FCAMR: variants seen among roughly 807,000 people sequenced by gnomAD.
FCAMR encodes high affinity immunoglobulin alpha and immunoglobulin mu Fc receptor.
A neutral mutation model predicts 52.2 loss-of-function variants in FCAMR; 51 were observed. That is an observed-to-expected ratio of 0.98 (90% CI 0.78 to 1.23). FCAMR has a LOEUF of 1.23. FCAMR is among the 50% of genes most tolerant of loss of function. The pLI is 0.00. For synonymous variants in FCAMR, 282 were observed against 262.0 expected (o/e 1.08, Z -0.74); for missense variants, 719 against 712.6 (o/e 1.01, Z -0.10).
intron 7 of FCAMR, chr1:206,959,002 A>AG: frequency 2.0e-6 from 1 of 500,880 alleles, no homozygotes; most frequent in South Asian, 1.5e-5. Context: ...GCTTTGCCAA[A>AG]GGGGGAAAAT....
chr1:206,960,732 C>G lies in FCAMR; in HGVS notation c.1144G>C (p.Val382Leu). The G allele has an allele frequency of 1.3e-6, 2 of 1,552,344 alleles. No individual in the cohort carries two copies. Among genetic ancestry groups the G allele is most frequent in the Non-Finnish European group, 1.7e-6 (2 of 1,147,146 alleles). ...VLGTIGPPAL[V>L]SETLAWEILP... The stretch of plus-strand genomic sequence containing the variant: ...ATTTCCCAGGCCAAAGTTTCTGAGA[C>G]CAGAGCTGGTGGCCCAATGGTTCCT... The change falls in exon 6 of 8, where the codon GTC becomes CTC. Residue 382 changes from valine to leucine, a missense_variant. By Grantham distance (32) the Val-to-Leu change is conservative. Coordinates refer to ENST00000324852, the MANE Select transcript of FCAMR (RefSeq NM_001170631.2).
intron 4 of FCAMR, among the ~76,000 whole-genome samples, chr1:206,964,340 C>T (rs2000058): frequency 0.18 from 27,647 of 151,832 alleles, 2,585 homozygotes; most frequent in East Asian, 0.33. Context: ...GTCTGTTCTG[C>T]CTTTAGGATG....
Position 206,960,465 on chromosome 1 carries a change from C to G in FCAMR, c.1411G>C (p.Val471Leu), listed in dbSNP as rs532030942. Residue 471 changes from valine (V) to leucine (L), a missense_variant, in exon 6 of 8, where the codon GTA (valine) becomes CTA (leucine). Coordinates refer to ENST00000324852, the MANE Select transcript of FCAMR (RefSeq NM_001170631.2). The part of the protein sequence containing the change: ...PQATLSQTPA[V>L]GPWGPPGKES... Reference sequence around the variant, plus strand: ...TTGCCAGGGGGTCCCCAGGGTCCTACTGCCGGGGTCTGGCTCAGTGTTGCT... The same window carrying G: ...TTGCCAGGGGGTCCCCAGGGTCCTAGTGCCGGGGTCTGGCTCAGTGTTGCT... 6.5e-7 allele frequency: 1 copy of G among 1,534,584 alleles called. No homozygotes were observed. Among genetic ancestry groups the G allele is most frequent in the African/African-American group, 1.4e-5 (1 of 72,532 alleles).
chr1:206,958,897 A>C, intron 7 of FCAMR: 1 of 676,122 alleles, frequency 1.5e-6, no homozygotes, highest in Non-Finnish European at 2.8e-6. Context: ...CTGCCAGAAA[A>C]TCTCACCCTT....
At chr1:206,962,591 A>G in intron 4 of FCAMR, 40 bp from the exon 5 acceptor site, 1 of 1,464,992 alleles carries the variant, frequency 6.8e-7, no homozygotes, top group South Asian at 1.4e-5. Flanking sequence ...GGAAGTGGTG[A>G]GCATAGTCAC....
In FCAMR at chr1:206,958,533, T is replaced by A. The variant is rs61729353; in HGVS notation, c.1717A>T (p.Arg573Ter). ...PAGASLTAPE[R>*]NPGP ...TCTGTCCCTCAGGGTCCTGGATTTC[T>A]CTCTGGGGCAGTCAGGCTGGCCCCA... Residue 573 changes from arginine to a stop codon, truncating the protein, a stop_gained, in exon 8 of 8, where the codon AGA becomes TGA. Coordinates refer to ENST00000324852, the MANE Select transcript of FCAMR (RefSeq NM_001170631.2). LOFTEE classifies it high-confidence loss of function. 6.2e-7 allele frequency: 1 copy of A among 1,612,474 alleles called. No individual in the cohort carries two copies. Among genetic ancestry groups the A allele is most frequent in the African/African-American group, 1.3e-5 (1 of 74,946 alleles).
chr1:206,970,078 T>C lies in FCAMR; in HGVS notation c.39+9A>G, dbSNP rs758312330. On this transcript the variant is annotated intron_variant, in intron 1 of 7. Coordinates refer to ENST00000324852, the MANE Select transcript of FCAMR (RefSeq NM_001170631.2). Reference sequence around the variant, plus strand: ...AGATCCCAACCTCCAGGAGAAAGCATCATTTCACCTTTTGTTCTCCAGGCT... The same window carrying C: ...AGATCCCAACCTCCAGGAGAAAGCACCATTTCACCTTTTGTTCTCCAGGCT... 1 of 1,614,056 alleles carries C rather than the reference T, an allele frequency of 6.2e-7. No individual in the cohort carries two copies. The highest frequency in any genetic ancestry group is 8.5e-7 in the Non-Finnish European group (1 of 1,179,968).
chr1:206,969,434 G>A (rs984721101), intron 1 of FCAMR: 3 of 382,692 alleles, frequency 7.8e-6, no homozygotes, highest in African/African-American at 6.3e-5. Context: ...CTTTCTCCAG[G>A]AGACAGGGGG....
At chr1:206,959,858 G>T in intron 6 of FCAMR, 61 bp from the exon 7 acceptor site, 1 of 1,327,704 alleles carries the variant, frequency 7.5e-7, no homozygotes, top group Non-Finnish European at 1.1e-6. Flanking sequence ...GAAGATTAAA[G>T]ACCATTTACC....
In FCAMR at chr1:206,959,717, A is replaced by G; in HGVS notation, c.1535T>C (p.Leu512Pro). The G allele has an allele frequency of 6.2e-7, 1 of 1,614,134 alleles. No homozygotes were observed. The highest frequency in any genetic ancestry group is 1.3e-5 in the African/African-American group (1 of 75,038). The change falls in exon 7 of 8, where the codon CTG (leucine) becomes CCG (proline). Residue 512 changes from leucine to proline, a missense_variant. Coordinates refer to ENST00000324852, the MANE Select transcript of FCAMR (RefSeq NM_001170631.2). Reference protein sequence around the residue: ...TMLALFMLMALVLLQRKLWRR... With the variant: ...TMLALFMLMAPVLLQRKLWRR... The stretch of plus-strand genomic sequence containing the variant: ...CCAGAGCTTCCTTTGCAATAGAACC[A>G]GAGCCATAAGCATAAACAGGGCCAG...
At chr1:206,965,249 G>T (rs1028987599) in intron 4 of FCAMR, among the ~76,000 whole-genome samples, 2 of 152,194 alleles carry the variant, frequency 1.3e-5, no homozygotes, top group African/African-American at 4.8e-5. Flanking sequence ...GAGAGGAGCA[G>T]GGTTCCACTA....
At chr1:206,964,487 C>A (rs1572664804) in intron 4 of FCAMR, among the ~76,000 whole-genome samples, 1 of 151,582 alleles carries the variant, frequency 6.6e-6, no homozygotes, top group East Asian at 1.9e-4. Context: ...GGGGGAGGAT[C>A]AGTCATGAAT....
Position 206,970,295 on chromosome 1 carries a change from G to T in FCAMR, c.-170C>A. On this transcript the variant is annotated 5_prime_UTR_variant, in exon 1 of 8. Transcript: ENST00000324852. Reference sequence around the variant, plus strand: ...AGGTCGGGGTGCAAGGCGTAGCTCTGCCACTCACCTCAAGTCACTTCTCTT... The same window carrying T: ...AGGTCGGGGTGCAAGGCGTAGCTCTTCCACTCACCTCAAGTCACTTCTCTT... 1 of 624,152 alleles carries T rather than the reference G, an allele frequency of 1.6e-6. No individual in the cohort carries two copies. The highest frequency in any genetic ancestry group is 2.8e-6 in the Non-Finnish European group (1 of 357,530). The allele number at this position is 624,152 out of a possible 1,614,324, so 38.7% of individuals were successfully genotyped here.
intron 5 of FCAMR, among the ~76,000 whole-genome samples, chr1:206,961,601 C>T (rs552556338): frequency 1.8e-4 from 27 of 152,244 alleles, no homozygotes; most frequent in Admixed American, 2.0e-4. Context: ...TTGCAGCAGG[C>T]GGCTGGAGAG....
At chr1:206,968,989 T>TC (rs1311823719) in intron 1 of FCAMR, among the ~76,000 whole-genome samples, 1 of 152,160 alleles carries the variant, frequency 6.6e-6, no homozygotes, top group Non-Finnish European at 1.5e-5. Context: ...CTGTAGCAAG[T>TC]CCCCTAGCTT....
chr1:206,962,698 A>G (rs1680560067), intron 4 of FCAMR, 147 bp from the exon 5 acceptor site: 4 of 658,866 alleles, frequency 6.1e-6, no homozygotes, highest in Non-Finnish European at 1.0e-5. Context: ...TAAAAATGGC[A>G]GAACTCAGCC....
intron 4 of FCAMR, among the ~76,000 whole-genome samples, chr1:206,964,613 G>A (rs562622824): frequency 1.1e-4 from 16 of 151,612 alleles, no homozygotes; most frequent in African/African-American, 3.6e-4. Context: ...TGCTGCTCCC[G>A]TTTTGCCTCC....
Position 206,962,500 on chromosome 1 carries a change from G to A in FCAMR, c.365C>T (p.Ala122Val), listed in dbSNP as rs1357377830. The change falls in exon 5 of 8, where the codon GCT becomes GTT. Residue 122 changes from alanine (A) to valine (V), a missense_variant. Coordinates refer to ENST00000324852, the MANE Select transcript of FCAMR (RefSeq NM_001170631.2). ...GGCATAATGGCACTGGATGGTGACA[G>A]CTCCTCCAGGCTCCCCTGACACCAG... ...SRLVSGEPGG[A>V]VTIQCHYAPS... 6.2e-7 allele frequency: 1 copy of A among 1,602,176 alleles called. No individual in the cohort carries two copies. Among genetic ancestry groups the A allele is most frequent in the Admixed American group, 1.7e-5 (1 of 59,422 alleles).
In FCAMR at chr1:206,962,460, G is replaced by A. The variant is rs1680549034; in HGVS notation, c.405C>T (p.Asn135=). ...IQCHYAPSSV[N]RHQRKYWCRL... ...GGCACCAGTACTTCCTCTGGTGCCT[G>A]TTGACAGATGAGGGGGCATAATGGC... The change falls in exon 5 of 8, where the codon AAC becomes AAT. Residue 135 remains asparagine, a synonymous_variant. Transcript: ENST00000324852. The A allele has an allele frequency of 6.2e-7, 1 of 1,613,794 alleles. No individual in the cohort carries two copies. Among genetic ancestry groups the A allele is most frequent in the Non-Finnish European group, 8.5e-7 (1 of 1,179,688 alleles).
Sources: allele counts gnomAD v4.1 joint callset (sites outside exome capture counted in the v4.1 genomes callset), GRCh38; gene constraint gnomAD v4.1.1; transcripts MANE v1.5; gene names NCBI Gene and HGNC (gene_info 2026-07-23, HGNC 2026-07-21).